The following ELAPOR1 variants were observed in gnomAD, a reference collection of about 807,000 sequenced individuals.
The protein encoded by ELAPOR1 is endosome-lysosome associated apoptosis and autophagy regulator 1.
ELAPOR1 carries 77 observed loss-of-function variants against 119.7 expected under a neutral mutation model. The observed-to-expected ratio is 0.64, with a 90% CI of 0.54 to 0.78. The LOEUF (loss-of-function observed/expected upper bound fraction) is 0.78, where lower values mean the gene tolerates loss of function less well. Ranked by LOEUF, ELAPOR1 falls within the 30% of genes least tolerant of loss-of-function variation. The pLI is 0.00. For missense variants in ELAPOR1, 1,115 were observed against 1,270.4 expected (o/e 0.88, Z 1.86); for synonymous variants, 481 against 487.2 (o/e 0.99, Z 0.17).
At chr1:109,123,829 T>G (rs1275909381) in intron 1 of ELAPOR1, among the ~76,000 whole-genome samples, 4 of 152,204 alleles carry the variant, frequency 2.6e-5, no homozygotes, top group Non-Finnish European at 5.9e-5. Context: ...GATAGAGTTT[T>G]TCTCTATCTC....
chr1:109,156,961 G>C (rs531686615), intron 1 of ELAPOR1, among the ~76,000 whole-genome samples: 14 of 152,200 alleles, frequency 9.2e-5, no homozygotes, highest in Non-Finnish European at 1.8e-4. Flanking sequence ...CTCAGAAGAA[G>C]GGGGGTGGAC....
chr1:109,188,655 A>C (rs919064079), intron 9 of ELAPOR1, among the ~76,000 whole-genome samples: 1 of 152,220 alleles, frequency 6.6e-6, no homozygotes, highest in African/African-American at 2.4e-5. Flanking sequence ...AGAGATGCTG[A>C]CTAGGCTTAC....
intron 20 of ELAPOR1, 112 bp from the exon 21 acceptor site, chr1:109,200,623 C>T: frequency 1.0e-6 from 1 of 985,160 alleles, no homozygotes; most frequent in Non-Finnish European, 1.5e-6. Context: ...ATGCTTCAGT[C>T]TCCTTACCCA....
At chr1:109,145,531 T>C (rs1650122750) in intron 1 of ELAPOR1, among the ~76,000 whole-genome samples, 1 of 151,884 alleles carries the variant, frequency 6.6e-6, no homozygotes, top group East Asian at 1.9e-4. Context: ...TGGTGCGCAC[T>C]TGTGGTCTCA....
chr1:109,148,651 G>C (rs1239690340), intron 1 of ELAPOR1, among the ~76,000 whole-genome samples: 1 of 152,186 alleles, frequency 6.6e-6, no homozygotes, highest in Non-Finnish European at 1.5e-5. Flanking sequence ...CTGTCCGCCA[G>C]GTTCTCTCCA....
intron 7 of ELAPOR1, among the ~76,000 whole-genome samples, chr1:109,177,353 G>A (rs1377952121): frequency 1.2e-4 from 11 of 92,502 alleles, no homozygotes; most frequent in Admixed American, 4.2e-4. Flanking sequence ...GGCGGCTGCC[G>A]GGCGGAGGGG....
chr1:109,152,599 T>C (rs1294654061), intron 1 of ELAPOR1, among the ~76,000 whole-genome samples: 4 of 152,072 alleles, frequency 2.6e-5, no homozygotes, highest in Non-Finnish European at 5.9e-5. Flanking sequence ...TTTATCAAAA[T>C]TGTGGAGTTA....
rs1187192136 is a variant in ELAPOR1 at position 109,183,549 on chromosome 1, TTTCCTTCCTTCCTTCCTTCC to T, written c.953-1455_953-1436del. Reference sequence around the variant, plus strand: ...GTTCACGTTTTTCTTCTTTCTTTCTTTTCCTTCCTTCCTTCCTTCCTTCCTTCCTTCCTTCCTTCCTTCCT... The same window carrying T: ...GTTCACGTTTTTCTTCTTTCTTTCTTTTCCTTCCTTCCTTCCTTCCTTCCT... On this transcript the variant is annotated intron_variant, in intron 7 of 21. Coordinates refer to ENST00000369939, the MANE Select transcript of ELAPOR1 (RefSeq NM_020775.5). 1.4e-3 allele frequency among the ~76,000 whole-genome samples: 113 copies of T among 81,186 alleles called. 2 individuals carry two copies. The highest frequency in any genetic ancestry group is 4.8e-3 in the African/African-American group (110 of 22,698). 53.3% of individuals were successfully genotyped at this position (81,186 alleles called of 152,430 possible).
intron 1 of ELAPOR1, among the ~76,000 whole-genome samples, chr1:109,154,298 A>G (rs596059): frequency 0.098 from 14,745 of 151,050 alleles, 834 homozygotes; most frequent in Middle Eastern, 0.14. Flanking sequence ...AAAAAAAAAA[A>G]AAAAAGAAAA....
chr1:109,183,670 A>G (rs1652882547), intron 7 of ELAPOR1, among the ~76,000 whole-genome samples: 1 of 131,330 alleles, frequency 7.6e-6, no homozygotes, highest in Non-Finnish European at 1.6e-5. Flanking sequence ...CCAGGCTAGA[A>G]TGCAATGGCA....
intron 1 of ELAPOR1, among the ~76,000 whole-genome samples, chr1:109,157,527 A>C (rs1367822760): frequency 6.6e-6 from 1 of 151,886 alleles, no homozygotes; most frequent in African/African-American, 2.4e-5. Context: ...GCTAGATTTC[A>C]CCCTCCACTC....
chr1:109,134,823 A>T (rs950746837), intron 1 of ELAPOR1, among the ~76,000 whole-genome samples: 10 of 152,126 alleles, frequency 6.6e-5, no homozygotes, highest in Admixed American at 3.9e-4. Flanking sequence ...GGGAATTCTC[A>T]TCAGGGCTGC....
At chr1:109,172,971 C>T (rs1038909367) in intron 5 of ELAPOR1, among the ~76,000 whole-genome samples, 1 of 152,024 alleles carries the variant, frequency 6.6e-6, no homozygotes, top group African/African-American at 2.4e-5. Context: ...GTGGCCCATG[C>T]TTGTAATCCC....
rs1044064592 is a variant in ELAPOR1, at chr1:109,154,842, C to T, written c.154-7052C>T. Among the ~76,000 whole-genome samples the T allele has an allele frequency of 2.6e-5, 4 of 152,184 alleles. No individual in the cohort carries two copies. In the South Asian group the frequency reaches 6.2e-4, roughly 24 times the overall value. On this transcript the variant is annotated intron_variant, in intron 1 of 21. Coordinates refer to ENST00000369939, the MANE Select transcript of ELAPOR1 (RefSeq NM_020775.5). Reference sequence around the variant, plus strand: ...CTGGCTTGTCCTGGCTTTCAAACCACCATCACTTGGAAGAGAAATGATGTG... The same window carrying T: ...CTGGCTTGTCCTGGCTTTCAAACCATCATCACTTGGAAGAGAAATGATGTG...
Position 109,173,730 on chromosome 1 carries a change from C to G in ELAPOR1, c.845C>G (p.Thr282Arg). The change falls in exon 7 of 22, where the codon ACG becomes AGG. Residue 282 changes from threonine to arginine, a missense_variant. Physicochemically the swap from Thr to Arg is moderately conservative, Grantham distance 71. Transcript: ENST00000369939. ...GAATGCTTCCCCTGCAAACCTGGCA[C>G]GTATGCAGACAAGCAGGGCTCCTCT... ...TSECFPCKPG[T>R]YADKQGSSFC... 1 of 1,614,144 alleles carries G rather than the reference C, an allele frequency of 6.2e-7. No homozygotes were observed. Among genetic ancestry groups the G allele is most frequent in the Non-Finnish European group, 8.5e-7 (1 of 1,180,018 alleles).
intron 7 of ELAPOR1, among the ~76,000 whole-genome samples, chr1:109,178,135 G>A (rs890791322): frequency 2.0e-5 from 3 of 149,582 alleles, no homozygotes; most frequent in African/African-American, 7.5e-5. Context: ...TCAGCCTCCC[G>A]AGTAACTAGG....
intron 1 of ELAPOR1, among the ~76,000 whole-genome samples, chr1:109,160,668 TGGGTTAAAG>T (rs1368164917): frequency 6.6e-6 from 1 of 152,192 alleles, no homozygotes; most frequent in Non-Finnish European, 1.5e-5. Flanking sequence ...GGCTATCACG[TGGGTTAAAG>T]GGGGACATTA....
chr1:109,141,462 C>T (rs1181934177), intron 1 of ELAPOR1, among the ~76,000 whole-genome samples: 1 of 151,086 alleles, frequency 6.6e-6, no homozygotes, highest in Admixed American at 6.6e-5. Flanking sequence ...AGGGTTTCAC[C>T]GTGTTAGCCA....
intron 7 of ELAPOR1, among the ~76,000 whole-genome samples, chr1:109,179,601 A>AGT (rs1480206916): frequency 1.3e-5 from 2 of 151,966 alleles, no homozygotes; most frequent in Non-Finnish European, 2.9e-5. Flanking sequence ...TCCTATCAGC[A>AGT]GTGGAGGTCA....
Sources: allele counts gnomAD v4.1 joint callset (sites outside exome capture counted in the v4.1 genomes callset), GRCh38; gene constraint gnomAD v4.1.1; transcripts MANE v1.5; gene names NCBI Gene and HGNC (gene_info 2026-07-23, HGNC 2026-07-21).